Variants in SUPT3H observed in about 807,000 individuals in gnomAD.
SUPT3H encodes SPT3 homolog, SAGA and STAGA complex component, also known as transcription initiation protein SPT3 homolog.
In SUPT3H, 44 loss-of-function variants were observed where a neutral mutation model predicts 44.3. That is an observed-to-expected ratio of 0.99 (90% confidence interval 0.78 to 1.28). The LOEUF is 1.28. Among genes scored for constraint, SUPT3H ranks in the 50% most tolerant of loss-of-function variants. The pLI, the probability that SUPT3H is intolerant of heterozygous loss-of-function variation, is 0.00. For missense variants in SUPT3H, 380 were observed against 387.1 expected (o/e 0.98, Z 0.15); for synonymous variants, 124 against 125.6 (o/e 0.99, Z 0.09).
intron 2 of SUPT3H, among the ~76,000 whole-genome samples, chr6:45,242,257 AGG>A (rs1770494321): frequency 6.6e-6 from 1 of 152,244 alleles, no homozygotes; most frequent in Admixed American, 6.5e-5. Flanking sequence ...GAATAAGGAC[AGG>A]GATAGAACAT....
At chr6:45,195,917 T>C (rs557332050) in intron 2 of SUPT3H, among the ~76,000 whole-genome samples, 1 of 152,214 alleles carries the variant, frequency 6.6e-6, no homozygotes, top group South Asian at 2.1e-4. Flanking sequence ...AGTTTTCTTA[T>C]TTGTAAGATG....
At position 45,128,523 on chromosome 6, in the gene SUPT3H, AAAAAAAAAAAATATATATAT is replaced by A. The variant is rs1441641042; in HGVS notation, c.102-22537_102-22518del. Among the ~76,000 whole-genome samples, 18 of 57,800 alleles carry A rather than the reference AAAAAAAAAAAATATATATAT, an allele frequency of 3.1e-4. No individual in the cohort carries two copies. In the East Asian group the frequency reaches 5.8e-3, roughly 19 times the overall value. 37.9% of individuals were successfully genotyped at this position (57,800 alleles called of 152,430 possible). A position where few individuals can be genotyped will look rare whatever the true frequency, so the allele number is the denominator to read the frequency against. On this transcript the variant is annotated intron_variant, in intron 2 of 10. Transcript: ENST00000371459. Reference sequence around the variant, plus strand: ...TGTCTCAAAAAAAAAAAAAAAAAAAAAAAAAAAAAAATATATATATATATATATATATATACACACACACA... The same window carrying A: ...TGTCTCAAAAAAAAAAAAAAAAAAAAATATATATATATATACACACACACA...
chr6:45,000,382 G>A (rs1781860467), intron 6 of SUPT3H, among the ~76,000 whole-genome samples: 1 of 151,906 alleles, frequency 6.6e-6, no homozygotes, highest in Non-Finnish European at 1.5e-5. Context: ...AAATGGGAAT[G>A]GTAGAAAGAC....
chr6:44,863,252 G>A (rs1774952414), intron 10 of SUPT3H, among the ~76,000 whole-genome samples: 1 of 152,158 alleles, frequency 6.6e-6, no homozygotes, highest in South Asian at 2.1e-4. Context: ...TAAAGTCCAT[G>A]CTCTCACACA....
chr6:45,049,059 G>A (rs1386067662), intron 3 of SUPT3H, among the ~76,000 whole-genome samples: 1 of 151,920 alleles, frequency 6.6e-6, no homozygotes, highest in Non-Finnish European at 1.5e-5. Flanking sequence ...AAATTAATAT[G>A]TGAAGTAATA....
At chr6:44,815,997 G>A (rs1238043212) in intron 11 of SUPT3H, among the ~76,000 whole-genome samples, 1 of 152,004 alleles carries the variant, frequency 6.6e-6, no homozygotes, top group Non-Finnish European at 1.5e-5. Flanking sequence ...GCAAACCTTA[G>A]AAAACCTAAA....
chr6:44,863,384 G>C (rs1055075278), intron 10 of SUPT3H, among the ~76,000 whole-genome samples: 2 of 152,218 alleles, frequency 1.3e-5, no homozygotes, highest in Non-Finnish European at 2.9e-5. Flanking sequence ...AAAAAGCAAC[G>C]GTGAGTTCTA....
intron 2 of SUPT3H, among the ~76,000 whole-genome samples, chr6:45,188,138 T>TTTAA (rs1467529358): frequency 6.6e-6 from 1 of 152,240 alleles, no homozygotes; most frequent in Non-Finnish European, 1.5e-5. Flanking sequence ...AGCGGTTGTG[T>TTTAA]TTAAGTCATC....
At chr6:45,174,360 CT>C (rs965088308) in intron 2 of SUPT3H, among the ~76,000 whole-genome samples, 8 of 152,220 alleles carry the variant, frequency 5.3e-5, no homozygotes, top group Non-Finnish European at 1.0e-4. Flanking sequence ...AGAAATTAAT[CT>C]TTTACATCTC....
intron 4 of SUPT3H, among the ~76,000 whole-genome samples, chr6:45,017,196 G>GT (rs1217490476): frequency 3.3e-5 from 5 of 149,482 alleles, no homozygotes; most frequent in African/African-American, 7.4e-5. Context: ...GGGGTTGTTT[G>GT]TTTTTTTCTT....
intron 2 of SUPT3H, among the ~76,000 whole-genome samples, chr6:45,229,262 C>T (rs920911548): frequency 2.6e-5 from 4 of 151,946 alleles, no homozygotes; most frequent in Non-Finnish European, 4.4e-5. Flanking sequence ...CATTATTTAA[C>T]TAACTTCTTG....
chr6:45,345,214 TATAA>T lies in SUPT3H; in HGVS notation c.101+19983_101+19986del, dbSNP rs999361308. ...AAGATAAGCTATTACAATTTAGTAT[TATAA>T]ATAAAACTTCTGTTCACTTGATTGT... On this transcript the variant is annotated intron_variant, in intron 2 of 10. Transcript: ENST00000371459. Among the ~76,000 whole-genome samples the T allele has an allele frequency of 9.2e-5, 14 of 152,296 alleles. 1 individual carries two copies. The South Asian group carries it at 1.9e-3, about 20-fold the overall frequency.
chr6:45,253,864 TATATATATAC>T (rs1318436217), intron 2 of SUPT3H, among the ~76,000 whole-genome samples: 1 of 139,498 alleles, frequency 7.2e-6, no homozygotes. Context: ...TATATATATA[TATATATATAC>T]ACACACACAG....
intron 3 of SUPT3H, among the ~76,000 whole-genome samples, chr6:45,068,668 C>G (rs945976547): frequency 6.6e-6 from 1 of 152,088 alleles, no homozygotes; most frequent in Admixed American, 6.5e-5. Flanking sequence ...TGAGCCCAGG[C>G]TTAGTGAATT....
At chr6:45,040,361 A>G (rs931394471) in intron 3 of SUPT3H, among the ~76,000 whole-genome samples, 2 of 152,180 alleles carry the variant, frequency 1.3e-5, no homozygotes, top group African/African-American at 4.8e-5. Context: ...TAAAACAAAA[A>G]CGAGCAGTAC....
intron 10 of SUPT3H, among the ~76,000 whole-genome samples, chr6:44,915,838 C>T (rs1009393105): frequency 1.3e-5 from 2 of 152,166 alleles, no homozygotes; most frequent in Non-Finnish European, 2.9e-5. Flanking sequence ...AATAAATGTA[C>T]TTGATTGATG....
intron 2 of SUPT3H, among the ~76,000 whole-genome samples, chr6:45,222,964 T>C (rs1766307612): frequency 6.6e-6 from 1 of 152,122 alleles, no homozygotes; most frequent in Non-Finnish European, 1.5e-5. Flanking sequence ...TTGTAATCCA[T>C]CCATTTAACA....
chr6:44,945,023 A>G (rs1773114857), intron 9 of SUPT3H, among the ~76,000 whole-genome samples: 1 of 151,954 alleles, frequency 6.6e-6, no homozygotes, highest in Non-Finnish European at 1.5e-5. Context: ...CCAAAAGCAT[A>G]TACGTGTCCA....
chr6:45,072,339 C>A (rs1001697574), intron 3 of SUPT3H, among the ~76,000 whole-genome samples: 16 of 152,140 alleles, frequency 1.1e-4, no homozygotes, highest in African/African-American at 3.4e-4. Context: ...AAAATGTTTT[C>A]TTTTCAGTGC....
Sources: allele counts gnomAD v4.1 joint callset (sites outside exome capture counted in the v4.1 genomes callset), GRCh38; gene constraint gnomAD v4.1.1; transcripts MANE v1.5; gene names NCBI Gene and HGNC (gene_info 2026-07-23, HGNC 2026-07-21).